LRBA: variants seen among roughly 807,000 people sequenced by gnomAD.
LRBA encodes the protein LPS responsive beige-like anchor protein.
Under a neutral mutation model 330.0 loss-of-function variants are expected in LRBA, and 176 were observed. That is an observed-to-expected ratio of 0.53 (90% CI 0.47 to 0.60). The LOEUF (loss-of-function observed/expected upper bound fraction) is 0.60, where lower values mean the gene tolerates loss of function less well. LRBA is among the 20% of genes least tolerant of loss of function. The pLI, the probability that LRBA is intolerant of heterozygous loss-of-function variation, is 0.00. For synonymous variants in LRBA, 1,230 were observed against 1,193.0 expected, an observed-to-expected ratio of 1.03 and a Z score of -0.64; for missense variants, 3,259 against 3,444.8, an observed-to-expected ratio of 0.95 and a Z score of 1.35.
At chr4:150,517,101 A>G (rs929108267) in intron 40 of LRBA, among the ~76,000 whole-genome samples, 1 of 152,258 alleles carries the variant, frequency 6.6e-6, no homozygotes, top group Non-Finnish European at 1.5e-5. Context: ...ATAAACAAAC[A>G]TACCAAGTTG....
At chr4:150,393,298 G>A (rs1012193019) in intron 47 of LRBA, among the ~76,000 whole-genome samples, 1 of 151,436 alleles carries the variant, frequency 6.6e-6, no homozygotes, top group Non-Finnish European at 1.5e-5. Context: ...TGAAACACTG[G>A]ACTTTCAGAA....
intron 31 of LRBA, among the ~76,000 whole-genome samples, chr4:150,815,298 C>T (rs1242984596): frequency 8.1e-5 from 12 of 147,586 alleles, no homozygotes; most frequent in African/African-American, 1.3e-4. Flanking sequence ...GGTGGAGAAG[C>T]GGAAATGTGC....
Position 150,893,837 on chromosome 4 carries a change from G to A in LRBA, c.2068-688C>T, listed in dbSNP as rs140516506. On this transcript the variant is annotated intron_variant, in intron 16 of 56. Coordinates refer to ENST00000651943, the MANE Select transcript of LRBA (RefSeq NM_001364905.1). ...ACTACAGGTGGCCACCACCACGCCC[G>A]GCTAATTTTTTGTATTTTTATTAGA... is the stretch of plus-strand genomic sequence containing the variant. Among the ~76,000 whole-genome samples, 997 of 151,854 alleles carry A rather than the reference G, an allele frequency of 6.6e-3. 13 individuals are homozygous for A. Among genetic ancestry groups the A allele is most frequent in the African/African-American group, 0.019 (801 of 41,414 alleles).
At chr4:150,747,799 T>C (rs566470414) in intron 35 of LRBA, among the ~76,000 whole-genome samples, 1 of 152,284 alleles carries the variant, frequency 6.6e-6, no homozygotes, top group East Asian at 1.9e-4. Context: ...CTGTGTGTTC[T>C]TTCCTCCCTC....
intron 47 of LRBA, among the ~76,000 whole-genome samples, chr4:150,411,040 A>AT (rs1303397633): frequency 6.6e-6 from 1 of 152,114 alleles, no homozygotes; most frequent in Non-Finnish European, 1.5e-5. Flanking sequence ...TCTGAAATAA[A>AT]TTTTTTTCCT....
At chr4:150,509,579 A>G (rs897758580) in intron 40 of LRBA, among the ~76,000 whole-genome samples, 13 of 151,990 alleles carry the variant, frequency 8.6e-5, no homozygotes, top group Admixed American at 2.6e-4. Flanking sequence ...AAAAAAAAAA[A>G]AGAGAGAAAT....
chr4:150,904,809 T>C (rs1341407393), intron 13 of LRBA, among the ~76,000 whole-genome samples: 1 of 152,112 alleles, frequency 6.6e-6, no homozygotes, highest in Non-Finnish European at 1.5e-5. Context: ...GTTTTTCTCT[T>C]TAACATTTGA....
At chr4:150,751,028 C>T (rs551847093) in intron 35 of LRBA, among the ~76,000 whole-genome samples, 1 of 151,882 alleles carries the variant, frequency 6.6e-6, no homozygotes, top group South Asian at 2.1e-4. Flanking sequence ...GATGAGTGGA[C>T]AGTTTGTAAA....
At chr4:150,361,906 G>A (rs946332517) in intron 47 of LRBA, among the ~76,000 whole-genome samples, 3 of 151,844 alleles carry the variant, frequency 2.0e-5, no homozygotes, top group Non-Finnish European at 4.4e-5. Flanking sequence ...TGAGTAGCTG[G>A]GACTATAGGC....
chr4:150,275,095 T>G (rs998338755), intron 56 of LRBA, among the ~76,000 whole-genome samples: 5 of 152,184 alleles, frequency 3.3e-5, no homozygotes, highest in Admixed American at 3.3e-4. Context: ...TCAAGTGGGC[T>G]TCATCCCTAG....
intron 40 of LRBA, among the ~76,000 whole-genome samples, chr4:150,511,713 C>T (rs1041720789): frequency 1.3e-5 from 2 of 152,232 alleles, no homozygotes; most frequent in African/African-American, 4.8e-5. Flanking sequence ...CTCAAAATGG[C>T]ACTGTGAAAT....
intron 33 of LRBA, among the ~76,000 whole-genome samples, chr4:150,803,358 T>C (rs1356374568): frequency 2.0e-5 from 3 of 151,924 alleles, no homozygotes; most frequent in Admixed American, 2.0e-4. Flanking sequence ...TAAAGGGAAG[T>C]AGAGATATCA....
At chr4:150,715,025 AAC>A (rs1294792748) in intron 36 of LRBA, among the ~76,000 whole-genome samples, 7 of 152,196 alleles carry the variant, frequency 4.6e-5, no homozygotes, top group African/African-American at 1.7e-4. Context: ...TATTTAGACA[AAC>A]AGTCTCATTT....
intron 36 of LRBA, among the ~76,000 whole-genome samples, chr4:150,713,481 T>C (rs1786435057): frequency 6.6e-6 from 1 of 152,152 alleles, no homozygotes; most frequent in Admixed American, 6.5e-5. Context: ...CAAAAGGAAA[T>C]GACAAGCAAA....
chr4:150,788,149 T>G (rs1389130810), intron 34 of LRBA, among the ~76,000 whole-genome samples: 1 of 151,982 alleles, frequency 6.6e-6, no homozygotes, highest in East Asian at 1.9e-4. Context: ...CTTGGCTCAC[T>G]GCAACCTCCG....
At chr4:150,957,954 C>A (rs1346177342) in intron 2 of LRBA, among the ~76,000 whole-genome samples, 1 of 149,294 alleles carries the variant, frequency 6.7e-6, no homozygotes, top group Non-Finnish European at 1.5e-5. Flanking sequence ...AGGGTACAGA[C>A]CCACTCCTTG....
chr4:150,400,069 G>T (rs1745263754), intron 47 of LRBA, among the ~76,000 whole-genome samples: 1 of 152,212 alleles, frequency 6.6e-6, no homozygotes, highest in South Asian at 2.1e-4. Flanking sequence ...AGATGTGAGA[G>T]AACACAGCCA....
At chr4:150,937,416 C>A (rs1735190351) in intron 2 of LRBA, among the ~76,000 whole-genome samples, 2 of 152,122 alleles carry the variant, frequency 1.3e-5, no homozygotes, top group Admixed American at 1.3e-4. Context: ...AAAATGTAAT[C>A]TTCCCAAATG....
chr4:150,494,084 TAAAAAAAGA>T (rs1581481735), intron 40 of LRBA, among the ~76,000 whole-genome samples: 1 of 151,366 alleles, frequency 6.6e-6, no homozygotes, highest in African/African-American at 2.4e-5. Flanking sequence ...ATCCTGTCTC[TAAAAAAAGA>T]AAAAAAAGAA....
Sources: gnomAD v4.1 joint callset for allele counts (sites outside exome capture counted in the v4.1 genomes callset) on GRCh38, gnomAD v4.1.1 for gene constraint, MANE v1.5 for transcripts, NCBI Gene and HGNC (gene_info 2026-07-23, HGNC 2026-07-21) for gene names.